OR2L13: variants seen among roughly 807,000 people sequenced by gnomAD.
OR2L13 encodes the protein olfactory receptor family 2 subfamily L member 13.
Under a neutral mutation model 15.3 loss-of-function variants are expected in OR2L13, and 14 were observed. The ratio of observed to expected loss-of-function variants is 0.91; its 90% CI spans 0.60 to 1.43. The LOEUF (loss-of-function observed/expected upper bound fraction) is 1.43, where lower values mean the gene tolerates loss of function less well. Among genes scored for constraint, OR2L13 ranks in the 40% most tolerant of loss-of-function variants. OR2L13 has a pLI of 0.00. For synonymous variants in OR2L13, 152 were observed against 142.9 expected (o/e 1.06, Z -0.45); for missense variants, 367 against 387.9 (o/e 0.95, Z 0.45).
the OR2L13 span, among the ~76,000 whole-genome samples, chr1:248,000,123 G>GTGTGT: frequency 0.026 from 3,641 of 138,274 alleles, 132 homozygotes; most frequent in African/African-American, 0.092. Flanking sequence ...TTTTTTTTTT[G>GTGTGT]GTGTGTGTGT....
At chr1:248,018,152 C>CAA in the OR2L13 span, among the ~76,000 whole-genome samples, 207 of 139,908 alleles carry the variant, frequency 1.5e-3, 1 homozygote, top group East Asian at 5.2e-3. Flanking sequence ...GACTCCATCT[C>CAA]AAAAAAATAA....
chr1:247,980,269 TAAAAG>T, the OR2L13 span, among the ~76,000 whole-genome samples: 1 of 152,080 alleles, frequency 6.6e-6, no homozygotes, highest in African/African-American at 2.4e-5. Context: ...ATTTCCAGAA[TAAAAG>T]AAACAATATA....
chr1:248,061,196 C>A, the OR2L13 span: 8 of 1,612,310 alleles, frequency 5.0e-6, no homozygotes, highest in Non-Finnish European at 6.8e-6. Context: ...CAATCCAGGG[C>A]CATCAATCAT....
chr1:248,006,105 AC>A, the OR2L13 span, among the ~76,000 whole-genome samples: 1 of 151,902 alleles, frequency 6.6e-6, no homozygotes, highest in Non-Finnish European at 1.5e-5. Flanking sequence ...CAGGGAGAGC[AC>A]CTCCTCTCTT....
chr1:247,959,795 A>G, the OR2L13 span, among the ~76,000 whole-genome samples: 2 of 152,178 alleles, frequency 1.3e-5, no homozygotes, highest in East Asian at 3.8e-4. Context: ...CAGCTCCATC[A>G]GGTCTTTTAA....
At chr1:247,960,588 C>A in the OR2L13 span, among the ~76,000 whole-genome samples, 261 of 152,276 alleles carry the variant, frequency 1.7e-3, no homozygotes, top group Non-Finnish European at 3.0e-3. Context: ...TGGGCTGCAC[C>A]CAGTTCGAGC....
the OR2L13 span, among the ~76,000 whole-genome samples, chr1:248,088,690 C>T: frequency 1.6e-3 from 251 of 152,150 alleles, 3 homozygotes; most frequent in Middle Eastern, 0.024. Flanking sequence ...CCTGTTCTTT[C>T]GGTGTTTAAT....
the OR2L13 span, among the ~76,000 whole-genome samples, chr1:247,967,575 G>T: frequency 2.1e-4 from 32 of 152,104 alleles, no homozygotes; most frequent in Admixed American, 1.6e-3. Flanking sequence ...TATTGTTATT[G>T]ATACTATTGA....
At chr1:247,950,502 T>C in the OR2L13 span, among the ~76,000 whole-genome samples, 1 of 152,196 alleles carries the variant, frequency 6.6e-6, no homozygotes, top group African/African-American at 2.4e-5. Context: ...ATGTTGATTT[T>C]GGTATAGTGT....
At chr1:248,023,515 C>G in the OR2L13 span, 2 of 152,152 alleles carry the variant, frequency 1.3e-5, no homozygotes, top group African/African-American at 4.8e-5. Flanking sequence ...GAACCATTCC[C>G]CAGTCACATC....
At chr1:248,033,741 CCT>C in the OR2L13 span, among the ~76,000 whole-genome samples, 11 of 151,824 alleles carry the variant, frequency 7.2e-5, no homozygotes, top group Non-Finnish European at 1.6e-4. Flanking sequence ...TGGCACCTGT[CCT>C]CTCTTTTCTT....
the OR2L13 span, among the ~76,000 whole-genome samples, chr1:248,069,207 T>G: frequency 6.6e-6 from 1 of 152,026 alleles, no homozygotes; most frequent in African/African-American, 2.4e-5. Context: ...GGAAAAAATG[T>G]TAAGGGCAGC....
chr1:248,019,643 A>C, the OR2L13 span, among the ~76,000 whole-genome samples: 210 of 152,292 alleles, frequency 1.4e-3, no homozygotes, highest in African/African-American at 4.9e-3. Context: ...CCAACTGAGT[A>C]AACTCAGTTT....
the OR2L13 span, among the ~76,000 whole-genome samples, chr1:247,952,910 T>G: frequency 1.3e-5 from 2 of 152,126 alleles, no homozygotes; most frequent in African/African-American, 4.8e-5. Flanking sequence ...ATGGGTGCCT[T>G]GTACCTGATC....
the OR2L13 span, among the ~76,000 whole-genome samples, chr1:247,959,551 T>C: frequency 1.3e-5 from 2 of 151,846 alleles, no homozygotes; most frequent in African/African-American, 2.4e-5. Flanking sequence ...GCAACTTGGT[T>C]CCATTCTCCT....
the OR2L13 span, among the ~76,000 whole-genome samples, chr1:247,967,036 C>T: frequency 1.4e-5 from 2 of 146,030 alleles, no homozygotes; most frequent in Non-Finnish European, 3.1e-5. Flanking sequence ...CATGCAAACA[C>T]ACCACACACC....
At chr1:247,950,751 G>A in the OR2L13 span, among the ~76,000 whole-genome samples, 1,288 of 152,170 alleles carry the variant, frequency 8.5e-3, 21 homozygotes, top group African/African-American at 0.03. Flanking sequence ...CCAGAGGATC[G>A]GAAGGGTATA....
the OR2L13 span, among the ~76,000 whole-genome samples, chr1:248,066,701 C>G: frequency 6.6e-6 from 1 of 152,198 alleles, no homozygotes; most frequent in South Asian, 2.1e-4. Flanking sequence ...CCTCTATTCA[C>G]TGCCCTTACT....
chr1:248,061,745 C>T, the OR2L13 span: 3 of 900,014 alleles, frequency 3.3e-6, no homozygotes, highest in African/African-American at 1.7e-5. Context: ...AGAAAAAAAT[C>T]ACTGATTTCT....
Sources: allele counts gnomAD v4.1 joint callset (sites outside exome capture counted in the v4.1 genomes callset), GRCh38; gene constraint gnomAD v4.1.1; transcripts MANE v1.5; gene names NCBI Gene and HGNC (gene_info 2026-07-23, HGNC 2026-07-21).